Variants in PAQR5 observed in about 807,000 individuals in gnomAD.
The protein encoded by PAQR5 is progestin and adipoQ receptor family member 5, also known as membrane progestin receptor gamma.
In PAQR5, 20 loss-of-function variants were observed where a neutral mutation model predicts 34.5. The ratio of observed to expected loss-of-function variants is 0.58; its 90% CI spans 0.41 to 0.84. The LOEUF (loss-of-function observed/expected upper bound fraction) is 0.84. Among genes scored for constraint, PAQR5 ranks in the 40% least tolerant of loss-of-function variants. The probability of loss-of-function intolerance (pLI) is 0.00; values close to 1 mark genes in which losing one functional copy is unlikely to be tolerated. For synonymous variants in PAQR5, 131 were observed against 155.6 expected (o/e 0.84, Z 1.18); for missense variants, 378 against 412.7 (o/e 0.92, Z 0.73).
chr15:69,401,625 C>G (rs1228479519), intron 8 of PAQR5, among the ~76,000 whole-genome samples: 1 of 152,224 alleles, frequency 6.6e-6, no homozygotes, highest in African/African-American at 2.4e-5. Flanking sequence ...TTATTCACCT[C>G]TGTCCCATCC....
At chr15:69,308,387 A>G (rs1037838814) in intron 1 of PAQR5, among the ~76,000 whole-genome samples, 1 of 152,190 alleles carries the variant, frequency 6.6e-6, no homozygotes, top group Non-Finnish European at 1.5e-5. Context: ...TGTGTTATGG[A>G]AATGTATCAT....
chr15:69,359,554 C>T (rs2055177994), intron 2 of PAQR5, among the ~76,000 whole-genome samples: 1 of 152,060 alleles, frequency 6.6e-6, no homozygotes, highest in Non-Finnish European at 1.5e-5. Flanking sequence ...GGGAACAAAA[C>T]AGGATATGGA....
chr15:69,320,694 GATAAA>G (rs1366647350), intron 1 of PAQR5, among the ~76,000 whole-genome samples: 2 of 152,000 alleles, frequency 1.3e-5, no homozygotes, highest in East Asian at 3.8e-4. Flanking sequence ...TATGTTAGCA[GATAAA>G]ATAAACAAAA....
At position 69,406,214 on chromosome 15, in the gene PAQR5, G is replaced by T. The variant is rs900916739; in HGVS notation, c.*2392G>T. On this transcript the variant is annotated 3_prime_UTR_variant, in exon 9 of 9. Coordinates refer to ENST00000395407, the MANE Select transcript of PAQR5 (RefSeq NM_017705.4). ...ATTGTCTCAAAAAAGACTATGGTGG[G>T]GAGGGTGGCACATTCCTAATGGGAT... 1.3e-5 allele frequency: 2 copies of T among 152,200 alleles called. No individual in the cohort carries two copies. Among genetic ancestry groups the T allele is most frequent in the Non-Finnish European group, 2.9e-5 (2 of 68,020 alleles). 9.4% of individuals were successfully genotyped at this position (152,200 alleles called of 1,614,324 possible). A position where few individuals can be genotyped will look rare whatever the true frequency, so the allele number is the denominator to read the frequency against.
chr15:69,332,399 GT>G (rs1441495197), intron 1 of PAQR5, among the ~76,000 whole-genome samples: 1 of 152,152 alleles, frequency 6.6e-6, no homozygotes, highest in African/African-American at 2.4e-5. Flanking sequence ...TTTTGACCAT[GT>G]GGGGATACTT....
At chr15:69,395,080 C>T (rs2056379695) in intron 6 of PAQR5, among the ~76,000 whole-genome samples, 1 of 152,218 alleles carries the variant, frequency 6.6e-6, no homozygotes, top group Non-Finnish European at 1.5e-5. Flanking sequence ...CACAGGGGCC[C>T]TTTAAGAGCG....
chr15:69,407,067 T>A lies in PAQR5; in HGVS notation c.*3245T>A, dbSNP rs894161516. Reference sequence around the variant, plus strand: ...GGTGCGGTGTAGTAGAATGGCATTGTCAGATATGTTCAAGAAACCCTTCAT... The same window carrying A: ...GGTGCGGTGTAGTAGAATGGCATTGACAGATATGTTCAAGAAACCCTTCAT... On this transcript the variant is annotated 3_prime_UTR_variant, in exon 9 of 9. Transcript: ENST00000395407. The A allele has an allele frequency of 1.3e-5, 2 of 152,222 alleles. No homozygotes were observed. The highest frequency in any genetic ancestry group is 2.4e-5 in the African/African-American group (1 of 41,434). The allele number at this position is 152,222 out of a possible 1,614,324, so 9.4% of individuals were successfully genotyped here. A position where few individuals can be genotyped will look rare whatever the true frequency, so the allele number is the denominator to read the frequency against.
At chr15:69,372,765 C>A (rs995696488) in intron 3 of PAQR5, among the ~76,000 whole-genome samples, 1 of 152,140 alleles carries the variant, frequency 6.6e-6, no homozygotes, top group Admixed American at 6.5e-5. Context: ...AGCCCAATCA[C>A]TTCTCCTAGT....
In PAQR5 at chr15:69,339,168, A is replaced by ACCCCCCCCCCCCCCCC. The variant is rs111647955; in HGVS notation, c.-116+1668_-116+1669insCCCCCCCCCCCCCCCC. On this transcript the variant is annotated intron_variant, in intron 2 of 8. Coordinates refer to ENST00000395407, the MANE Select transcript of PAQR5 (RefSeq NM_017705.4). The stretch of plus-strand genomic sequence containing the variant: ...AGTCACCACTCCTGGCCCACTGGCT[A>ACCCCCCCCCCCCCCCC]CACCCCCCACCCCGCCACCAAGTTA... Among the ~76,000 whole-genome samples, 36 of 134,136 alleles carry ACCCCCCCCCCCCCCCC rather than the reference A, an allele frequency of 2.7e-4. 2 individuals are homozygous for ACCCCCCCCCCCCCCCC. The highest frequency in any genetic ancestry group is 4.3e-4 in the Non-Finnish European group (26 of 60,282). 88.0% of individuals were successfully genotyped at this position (134,136 alleles called of 152,430 possible).
At chr15:69,301,148 C>T (rs1449632607) in intron 1 of PAQR5, among the ~76,000 whole-genome samples, 1 of 151,400 alleles carries the variant, frequency 6.6e-6, no homozygotes, top group African/African-American at 2.4e-5. Context: ...GGATTACAGG[C>T]GCCTGCCACC....
At chr15:69,304,476 A>C (rs1566988894) in intron 1 of PAQR5, among the ~76,000 whole-genome samples, 3 of 152,226 alleles carry the variant, frequency 2.0e-5, no homozygotes, top group African/African-American at 7.2e-5. Context: ...GAAATTATGC[A>C]GGATGGCAGT....
Position 69,405,854 on chromosome 15 carries a change from A to G in PAQR5, c.*2032A>G, listed in dbSNP as rs1372664883. 1 of 152,212 alleles carries G rather than the reference A, an allele frequency of 6.6e-6. No homozygotes were observed. The highest frequency in any genetic ancestry group is 2.4e-5 in the African/African-American group (1 of 41,456). 9.4% of individuals were successfully genotyped at this position (152,212 alleles called of 1,614,324 possible). ...AAAATAAGATCCAGTGTTTCATAAC[A>G]TTTTTATAAGTTTGGTAAACTTTAG... On this transcript the variant is annotated 3_prime_UTR_variant, in exon 9 of 9. Coordinates refer to ENST00000395407, the MANE Select transcript of PAQR5 (RefSeq NM_017705.4).
At chr15:69,397,053 C>T in intron 6 of PAQR5, 1 of 395,466 alleles carries the variant, frequency 2.5e-6, no homozygotes, top group South Asian at 1.9e-5. Context: ...GGGTGCATCT[C>T]AGCCTCTGCA....
At position 69,315,231 on chromosome 15, in the gene PAQR5, C is replaced by T. The variant is rs77378829; in HGVS notation, c.-277+16175C>T. ...CAACTGCGTTCTCTGCCCTTCCACTCCGCCCCTTCTGCTCTCATGTGTCCC... is the reference window on the plus strand; with the variant it reads ...CAACTGCGTTCTCTGCCCTTCCACTTCGCCCCTTCTGCTCTCATGTGTCCC... On this transcript the variant is annotated intron_variant, in intron 1 of 8. Transcript: ENST00000395407. Among the ~76,000 whole-genome samples, 446 of 152,274 alleles carry T rather than the reference C, an allele frequency of 2.9e-3. 3 individuals are homozygous for T. Among genetic ancestry groups the T allele is most frequent in the African/African-American group, 9.8e-3 (409 of 41,536 alleles).
chr15:69,395,517 C>G (rs1230037631), intron 6 of PAQR5, among the ~76,000 whole-genome samples: 1 of 152,196 alleles, frequency 6.6e-6, no homozygotes, highest in African/African-American at 2.4e-5. Context: ...GCTGTTTAGT[C>G]TGTGCGACTG....
intron 1 of PAQR5, among the ~76,000 whole-genome samples, chr15:69,310,043 A>G (rs943586556): frequency 1.7e-5 from 2 of 118,172 alleles, no homozygotes; most frequent in Admixed American, 2.0e-4. Flanking sequence ...GTGAGACTCC[A>G]TATTAAAAAA....
At chr15:69,395,199 G>A (rs1407230956) in intron 6 of PAQR5, among the ~76,000 whole-genome samples, 1 of 152,226 alleles carries the variant, frequency 6.6e-6, no homozygotes, top group Non-Finnish European at 1.5e-5. Context: ...CGGTGAGGCA[G>A]ATACCTGGCT....
At chr15:69,362,466 A>T (rs1302159329) in intron 3 of PAQR5, among the ~76,000 whole-genome samples, 1 of 152,242 alleles carries the variant, frequency 6.6e-6, no homozygotes, top group Admixed American at 6.5e-5. Context: ...ATGCACAGGT[A>T]TTAAAAATGG....
intron 1 of PAQR5, among the ~76,000 whole-genome samples, chr15:69,309,073 C>T (rs1052085256): frequency 6.6e-6 from 1 of 152,148 alleles, no homozygotes; most frequent in Admixed American, 6.5e-5. Context: ...GGGTCCTGAG[C>T]TCAGAAGAGA....
Sources: gnomAD v4.1 joint callset for allele counts (sites outside exome capture counted in the v4.1 genomes callset) on GRCh38, gnomAD v4.1.1 for gene constraint, MANE v1.5 for transcripts, NCBI Gene and HGNC (gene_info 2026-07-23, HGNC 2026-07-21) for gene names.